The following FRAS1 variants were observed in gnomAD, a reference collection of about 807,000 sequenced individuals.
FRAS1 encodes the protein extracellular matrix organizing protein FRAS1.
A neutral mutation model predicts 435.2 loss-of-function variants in FRAS1; 290 were observed. That is an observed-to-expected ratio of 0.67 (90% confidence interval 0.61 to 0.73). The LOEUF is 0.73. Ranked by LOEUF, FRAS1 falls within the 30% of genes least tolerant of loss-of-function variation. FRAS1 has a pLI of 0.00. For synonymous variants in FRAS1, 1,800 were observed against 1,851.0 expected (o/e 0.97, Z 0.71); for missense variants, 4,860 against 5,001.5 (o/e 0.97, Z 0.85).
intron 2 of FRAS1, among the ~76,000 whole-genome samples, chr4:78,072,903 A>G (rs947387780): frequency 7.2e-5 from 11 of 152,116 alleles, no homozygotes; most frequent in Non-Finnish European, 5.9e-5. Flanking sequence ...AGACTAGACA[A>G]ACAGAATCGG....
intron 70 of FRAS1, among the ~76,000 whole-genome samples, chr4:78,529,238 ACC>A (rs1721638169): frequency 6.6e-6 from 1 of 152,134 alleles, no homozygotes; most frequent in African/African-American, 2.4e-5. Flanking sequence ...AAGGAAGGTG[ACC>A]AGGAAAATGG....
chr4:78,473,466 T>A lies in FRAS1; in HGVS notation c.7551T>A (p.Tyr2517Ter), dbSNP rs745597204. The change falls in exon 53 of 74, where the codon TAT (tyrosine) becomes TAA (stop). Residue 2517 changes from tyrosine to a stop codon, truncating the protein, a stop_gained. Coordinates refer to ENST00000512123, the MANE Select transcript of FRAS1 (RefSeq NM_025074.7). LOFTEE classifies it high-confidence loss of function. ...ATGTGAACTTGGGGTTGATTCGTTATGTGTTGCACAAGGAGAAGATCCGTG... is the reference window on the plus strand; with the variant it reads ...ATGTGAACTTGGGGTTGATTCGTTAAGTGTTGCACAAGGAGAAGATCCGTG... ...QEDVNLGLIR[Y>*]VLHKEKIREM... 3.3e-5 allele frequency: 53 copies of A among 1,613,400 alleles called. No individual in the cohort carries two copies. The highest frequency in any genetic ancestry group is 4.3e-5 in the Non-Finnish European group (51 of 1,179,624).
chr4:78,540,611 C>T lies in FRAS1; in HGVS notation c.11526C>T (p.Arg3842=), dbSNP rs767986893. 3.2e-6 allele frequency: 5 copies of T among 1,560,596 alleles called. No individual in the cohort carries two copies. Among genetic ancestry groups the T allele is most frequent in the South Asian group, 2.4e-5 (2 of 81,796 alleles). The stretch of plus-strand genomic sequence containing the variant: ...CCATCTCAGGGCCCCGGGTCCAGCG[C>T]TCTCTCACAGCTCCACTCAGACGCA... ...PDTISGPRVQ[R]SLTAPLRRNR... The change falls in exon 74 of 74, where the codon CGC becomes CGT. Residue 3842 remains arginine (R), a synonymous_variant. Transcript: ENST00000512123.
intron 2 of FRAS1, among the ~76,000 whole-genome samples, chr4:78,161,248 C>T (rs1206399336): frequency 1.3e-5 from 2 of 152,044 alleles, no homozygotes; most frequent in Non-Finnish European, 2.9e-5. Context: ...TTATATTTTT[C>T]AGATCTCTAA....
chr4:78,541,036 C>A lies in FRAS1; in HGVS notation c.11951C>A (p.Ala3984Glu). Residue 3984 changes from alanine (A) to glutamate (E), a missense_variant, in exon 74 of 74, where the codon GCG becomes GAG. Physicochemically the swap from Ala to Glu is moderately radical, Grantham distance 107. Coordinates refer to ENST00000512123, the MANE Select transcript of FRAS1 (RefSeq NM_025074.7). ...GTCAACATCCTGAGTGAGCCTGAGG[C>A]GGCTTACACGTTCAAAGGTGCTAAA... ...RNVNILSEPEAAYTFKGAKVK... is the reference protein window; with the variant it reads ...RNVNILSEPEEAYTFKGAKVK... 1 of 1,493,248 alleles carries A rather than the reference C, an allele frequency of 6.7e-7. No homozygotes were observed. The highest frequency in any genetic ancestry group is 1.5e-5 in the South Asian group (1 of 68,132). The allele number at this position is 1,493,248 out of a possible 1,614,324, so 92.5% of individuals were successfully genotyped here.
chr4:78,509,056 T>C (rs762907404), intron 63 of FRAS1, 50 bp downstream of exon 63: 1 of 1,575,716 alleles, frequency 6.3e-7, no homozygotes, highest in Non-Finnish European at 8.7e-7. Flanking sequence ...AGAGAACTGG[T>C]GTTGTTCTTT....
chr4:78,304,953 C>T (rs940296106), intron 14 of FRAS1, among the ~76,000 whole-genome samples: 4 of 152,064 alleles, frequency 2.6e-5, no homozygotes, highest in Non-Finnish European at 4.4e-5. Flanking sequence ...ATTGTGATGT[C>T]AGGGTGTCAA....
intron 28 of FRAS1, among the ~76,000 whole-genome samples, chr4:78,385,559 G>C (rs1361879210): frequency 6.6e-6 from 1 of 152,138 alleles, no homozygotes; most frequent in Non-Finnish European, 1.5e-5. Context: ...TTGATCTCAT[G>C]GGTGGGCAAA....
At chr4:78,217,142 T>C (rs1454634715) in intron 2 of FRAS1, among the ~76,000 whole-genome samples, 1 of 152,164 alleles carries the variant, frequency 6.6e-6, no homozygotes, top group Non-Finnish European at 1.5e-5. Flanking sequence ...AGAAGCTGGA[T>C]GTCCCAGCTG....
At chr4:78,167,412 G>A (rs1304327850) in intron 2 of FRAS1, among the ~76,000 whole-genome samples, 20 of 151,652 alleles carry the variant, frequency 1.3e-4, no homozygotes, top group Non-Finnish European at 1.0e-4. Flanking sequence ...TATTCAGTGG[G>A]TCAAAAAAGA....
At chr4:78,426,581 T>G (rs558925682) in intron 35 of FRAS1, among the ~76,000 whole-genome samples, 1 of 152,222 alleles carries the variant, frequency 6.6e-6, no homozygotes, top group Admixed American at 6.5e-5. Context: ...ACCACCCATT[T>G]TGGTGAATCA....
chr4:78,282,891 G>A lies in FRAS1; in HGVS notation c.1179G>A (p.Glu393=). The A allele has an allele frequency of 6.2e-7, 1 of 1,612,390 alleles. No individual in the cohort carries two copies. Among genetic ancestry groups the A allele is most frequent in the East Asian group, 2.2e-5 (1 of 44,820 alleles). ...GAGGGGCTCAGGTAACTTGCTACGAGCCCTCTTGCCCACCATGTCCAGTGG... is the reference window on the plus strand; with the variant it reads ...GAGGGGCTCAGGTAACTTGCTACGAACCCTCTTGCCCACCATGTCCAGTGG... ...ECRGAQVTCY[E]PSCPPCPVGT... is the part of the protein sequence containing the mutation. Residue 393 remains glutamate, a synonymous_variant, in exon 12 of 74, where the codon GAG becomes GAA. Transcript: ENST00000512123.
intron 72 of FRAS1, among the ~76,000 whole-genome samples, chr4:78,537,826 G>C (rs962884624): frequency 6.6e-6 from 1 of 151,902 alleles, no homozygotes; most frequent in South Asian, 2.1e-4. Context: ...TGCACTTGTA[G>C]TCACAGCTAC....
intron 61 of FRAS1, among the ~76,000 whole-genome samples, chr4:78,502,142 C>T (rs1720702866): frequency 6.6e-6 from 1 of 152,166 alleles, no homozygotes; most frequent in African/African-American, 2.4e-5. Flanking sequence ...AGTTTGAAGT[C>T]AGGTATTGTG....
intron 72 of FRAS1, 91 bp from the exon 73 acceptor site, chr4:78,539,203 A>T: frequency 7.9e-7 from 1 of 1,263,986 alleles, no homozygotes; most frequent in Non-Finnish European, 1.1e-6. Context: ...GCCAGGAGTG[A>T]TGAGTACTTT....
intron 28 of FRAS1, among the ~76,000 whole-genome samples, chr4:78,384,832 A>G (rs1732156253): frequency 6.7e-6 from 1 of 148,368 alleles, no homozygotes; most frequent in Non-Finnish European, 1.5e-5. Flanking sequence ...ACCTGAGCTC[A>G]GGGAGGTTGA....
In FRAS1 at chr4:78,355,051, G is replaced by T. The variant is rs376647439; in HGVS notation, c.2423-8462G>T. On this transcript the variant is annotated intron_variant, in intron 20 of 73. Transcript: ENST00000512123. ...TGACATATTAGAGGATTCTACAGCT[G>T]CTGAGTCAAAATATTAATATTTTTA... is the stretch of plus-strand genomic sequence containing the variant. Among the ~76,000 whole-genome samples, 21 of 152,228 alleles carry T rather than the reference G, an allele frequency of 1.4e-4. No homozygotes were observed. The East Asian group carries it at 3.5e-3, about 25-fold the overall frequency.
intron 14 of FRAS1, among the ~76,000 whole-genome samples, chr4:78,293,638 C>T (rs1197194662): frequency 1.3e-5 from 2 of 152,148 alleles, no homozygotes; most frequent in Non-Finnish European, 2.9e-5. Flanking sequence ...TCAGGCCATT[C>T]AGAAGGGAAG....
At chr4:78,129,591 A>T (rs931909568) in intron 2 of FRAS1, among the ~76,000 whole-genome samples, 3 of 151,890 alleles carry the variant, frequency 2.0e-5, no homozygotes, top group Non-Finnish European at 4.4e-5. Flanking sequence ...TAGAGAACTA[A>T]GACTTGCACA....
Sources: allele counts gnomAD v4.1 joint callset (sites outside exome capture counted in the v4.1 genomes callset), GRCh38; gene constraint gnomAD v4.1.1; transcripts MANE v1.5; gene names NCBI Gene and HGNC (gene_info 2026-07-23, HGNC 2026-07-21).